RRP12: variants seen among roughly 807,000 people sequenced by gnomAD.
RRP12 encodes the protein RRP12-like protein.
A neutral mutation model predicts 157.3 loss-of-function variants in RRP12; 78 were observed. The observed-to-expected ratio is 0.50, with a 90% CI of 0.41 to 0.60. RRP12 has a LOEUF of 0.60. RRP12 is among the 20% of genes least tolerant of loss of function. The probability of loss-of-function intolerance (pLI) is 0.00; values close to 1 mark genes in which losing one functional copy is unlikely to be tolerated. For missense variants in RRP12, 1,521 were observed against 1,679.9 expected, an observed-to-expected ratio of 0.91 and a Z score of 1.65; for synonymous variants, 726 against 670.9, an observed-to-expected ratio of 1.08 and a Z score of -1.27.
At chr10:97,380,682 T>C in intron 13 of RRP12, 117 bp downstream of exon 13, 1 of 729,758 alleles carries the variant, frequency 1.4e-6, no homozygotes, top group Non-Finnish European at 2.4e-6. Flanking sequence ...GCTATGGCCC[T>C]GTCAGGGTGG....
chr10:97,357,591 G>A (rs1243891555), intron 33 of RRP12, among the ~76,000 whole-genome samples: 2 of 152,034 alleles, frequency 1.3e-5, no homozygotes, highest in Non-Finnish European at 2.9e-5. Context: ...CCAATTTAAG[G>A]GCCAAAGTCG....
At position 97,390,551 on chromosome 10, in the gene RRP12, T is replaced by G. The variant is rs1216443095; in HGVS notation, c.637-12A>C. The G allele has an allele frequency of 2.5e-6, 4 of 1,591,932 alleles. No individual in the cohort carries two copies. Among genetic ancestry groups the G allele is most frequent in the African/African-American group, 1.3e-5 (1 of 74,448 alleles). On this transcript the variant is annotated splice_polypyrimidine_tract_variant and intron_variant, in intron 5 of 33. Transcript: ENST00000370992. The stretch of plus-strand genomic sequence containing the variant: ...AGGCAGGAAAGGACCTGGAAGAAAG[T>G]CAGAGTCCCTCAGTGCCACCAGCCT...
intron 26 of RRP12, 58 bp downstream of exon 26, chr10:97,366,983 G>T: frequency 6.2e-7 from 1 of 1,610,140 alleles, no homozygotes; most frequent in South Asian, 1.1e-5. Flanking sequence ...TCCCTGGTAG[G>T]ACTGGAAATC....
intron 2 of RRP12, among the ~76,000 whole-genome samples, chr10:97,397,337 CT>C (rs779644510): frequency 6.0e-5 from 9 of 151,144 alleles, no homozygotes; most frequent in East Asian, 2.0e-4. Flanking sequence ...ATTTTTTGTA[CT>C]TTTAGTAGGG....
At chr10:97,380,060 C>A (rs1448821169) in intron 13 of RRP12, among the ~76,000 whole-genome samples, 1 of 152,210 alleles carries the variant, frequency 6.6e-6, no homozygotes, top group Non-Finnish European at 1.5e-5. Flanking sequence ...CTGCATGCAA[C>A]AATTAGCAAA....
chr10:97,359,045 A>G (rs1197556847), intron 31 of RRP12, 35 bp from the exon 32 acceptor site: 1 of 1,568,442 alleles, frequency 6.4e-7, no homozygotes, highest in South Asian at 1.1e-5. Context: ...AGTCAGGCAA[A>G]GCCAGGGCAG....
At chr10:97,387,666 C>T (rs962292440) in intron 8 of RRP12, among the ~76,000 whole-genome samples, 3 of 150,802 alleles carry the variant, frequency 2.0e-5, no homozygotes, top group Non-Finnish European at 4.4e-5. Context: ...CTCGACCGGG[C>T]GCAGTGGCTC....
In RRP12 at chr10:97,369,438, T is replaced by C. The variant is rs142854650; in HGVS notation, c.2942A>G (p.His981Arg). ...GGGGACACTCACCACCAGCTGCACA[T>C]GTTTGGCCAGGTGCGCCACGTCCAT... ...TVMDVAHLAK[H>R]VQLVMEAIGK... The change falls in exon 25 of 34, where the codon CAT becomes CGT. Residue 981 changes from histidine (H) to arginine (R), a missense_variant. Coordinates refer to ENST00000370992, the MANE Select transcript of RRP12 (RefSeq NM_015179.4). 69 of 1,611,922 alleles carry C rather than the reference T, an allele frequency of 4.3e-5. No individual in the cohort carries two copies. In the African/African-American group the frequency reaches 7.2e-4, roughly 17 times the overall value.
intron 15 of RRP12, among the ~76,000 whole-genome samples, chr10:97,375,047 T>C (rs1267288916): frequency 2.6e-5 from 4 of 152,140 alleles, no homozygotes; most frequent in Non-Finnish European, 4.4e-5. Flanking sequence ...CGACTCACCA[T>C]CTGCTAAACT....
chr10:97,365,974 G>A (rs1467970208), intron 29 of RRP12, 134 bp downstream of exon 29: 5 of 1,215,366 alleles, frequency 4.1e-6, no homozygotes, highest in Non-Finnish European at 5.9e-6. Context: ...AAAAGTTTGA[G>A]AAACTCAAAA....
At chr10:97,373,779 A>G (rs1342784589) in intron 16 of RRP12, 42 bp from the exon 17 acceptor site, 6 of 1,613,090 alleles carry the variant, frequency 3.7e-6, no homozygotes, top group Non-Finnish European at 5.1e-6. Flanking sequence ...ACACGCAGCC[A>G]CCTGTGCCCC....
Position 97,357,178 on chromosome 10 carries a change from C to G in RRP12, c.3810G>C (p.Gln1270His). The G allele has an allele frequency of 6.2e-7, 1 of 1,610,398 alleles. No homozygotes were observed. The highest frequency in any genetic ancestry group is 8.5e-7 in the Non-Finnish European group (1 of 1,177,702). The change falls in exon 34 of 34, where the codon CAG becomes CAC. Residue 1270 changes from glutamine to histidine, a missense_variant. Physicochemically the swap from Gln to His is conservative, Grantham distance 24. Coordinates refer to ENST00000370992, the MANE Select transcript of RRP12 (RefSeq NM_015179.4). The part of the protein sequence containing the change: ...KLNRRKKMKL[Q>H]GQFKGLVKAA... The stretch of plus-strand genomic sequence containing the variant: ...CCTTCACCAGGCCTTTGAACTGTCC[C>G]TGCAGCTTCATCTTCTTCCTGCAGG...
At chr10:97,397,744 G>A (rs1371283951) in intron 2 of RRP12, among the ~76,000 whole-genome samples, 3 of 150,992 alleles carry the variant, frequency 2.0e-5, no homozygotes, top group Non-Finnish European at 4.4e-5. Flanking sequence ...CAGATCCCTT[G>A]AGCCCAGGAG....
rs1844870734 is a variant in RRP12 at position 97,393,572 on chromosome 10, T to A, written c.530+112A>T. 3.4e-6 allele frequency: 3 copies of A among 883,282 alleles called. No individual in the cohort carries two copies. The East Asian group carries it at 7.3e-5, about 22-fold the overall frequency. 54.7% of individuals were successfully genotyped at this position (883,282 alleles called of 1,614,324 possible). A position where few individuals can be genotyped will look rare whatever the true frequency, so the allele number is the denominator to read the frequency against. ...TCTGCATGCCTCTAGACAATGTTCA[T>A]GAAGAGCAAGTATCTTTTTAAATAA... On this transcript the variant is annotated intron_variant, in intron 4 of 33. Coordinates refer to ENST00000370992, the MANE Select transcript of RRP12 (RefSeq NM_015179.4).
In RRP12 at chr10:97,356,936, T is replaced by C; in HGVS notation, c.*158A>G. Reference sequence around the variant, plus strand: ...TCTGAAGGGTGATTCCATTTGGAGTTTCCAAAATCCAGGACTTCTGAGAGC... The same window carrying C: ...TCTGAAGGGTGATTCCATTTGGAGTCTCCAAAATCCAGGACTTCTGAGAGC... On this transcript the variant is annotated 3_prime_UTR_variant, in exon 34 of 34. Coordinates refer to ENST00000370992, the MANE Select transcript of RRP12 (RefSeq NM_015179.4). 1 of 566,104 alleles carries C rather than the reference T, an allele frequency of 1.8e-6. No homozygotes were observed. Among genetic ancestry groups the C allele is most frequent in the Non-Finnish European group, 3.1e-6 (1 of 319,814 alleles). 35.1% of individuals were successfully genotyped at this position (566,104 alleles called of 1,614,324 possible). A position where few individuals can be genotyped will look rare whatever the true frequency, so the allele number is the denominator to read the frequency against.
intron 2 of RRP12, among the ~76,000 whole-genome samples, chr10:97,399,626 G>A (rs1440476082): frequency 2.6e-5 from 4 of 151,888 alleles, no homozygotes; most frequent in African/African-American, 4.8e-5. Flanking sequence ...AGGCCAAGGT[G>A]GGCGGATTAC....
intron 17 of RRP12, 141 bp downstream of exon 17, chr10:97,373,434 G>A: frequency 9.4e-7 from 1 of 1,067,072 alleles, no homozygotes; most frequent in South Asian, 1.7e-5. Context: ...ATCCCCTGGG[G>A]TCTGCAGCAG....
intron 20 of RRP12, 76 bp downstream of exon 20, chr10:97,371,997 A>C: frequency 2.0e-6 from 2 of 993,188 alleles, no homozygotes; most frequent in Non-Finnish European, 1.5e-6. Context: ...CAAAGACATG[A>C]AGACAGGCCC....
Position 97,393,911 on chromosome 10 carries a change from T to C in RRP12, c.454-151A>G, listed in dbSNP as rs192723661. On this transcript the variant is annotated intron_variant, in intron 3 of 33. Transcript: ENST00000370992. ...TCCTGACTCTGGCATTGTGTGGTTT[T>C]GGGCTAGTAATTTAACCTATCTGTG... 15 of 626,438 alleles carry C rather than the reference T, an allele frequency of 2.4e-5. No individual in the cohort carries two copies. The African/African-American group carries it at 2.7e-4, about 11-fold the overall frequency. The allele number at this position is 626,438 out of a possible 1,614,324, so 38.8% of individuals were successfully genotyped here.
Sources: allele counts gnomAD v4.1 joint callset (sites outside exome capture counted in the v4.1 genomes callset), GRCh38; gene constraint gnomAD v4.1.1; transcripts MANE v1.5; gene names NCBI Gene and HGNC (gene_info 2026-07-23, HGNC 2026-07-21).